SEC31A: variants seen among roughly 807,000 people sequenced by gnomAD.
The protein encoded by SEC31A is protein transport protein Sec31A.
SEC31A carries 70 observed loss-of-function variants against 151.0 expected under a neutral mutation model. The ratio of observed to expected loss-of-function variants is 0.46; its 90% CI spans 0.38 to 0.57. The LOEUF (loss-of-function observed/expected upper bound fraction) is 0.57, where lower values mean the gene tolerates loss of function less well. Ranked by LOEUF, SEC31A falls within the 20% of genes least tolerant of loss-of-function variation. SEC31A has a pLI of 0.00. For missense variants in SEC31A, 1,330 were observed against 1,471.2 expected (o/e 0.90, Z 1.57); for synonymous variants, 475 against 505.9 (o/e 0.94, Z 0.82).
rs781769260 is a variant in SEC31A, at chr4:82,851,495, T to C, written c.2264A>G (p.Asn755Ser). The part of the protein sequence containing the change: ...LLAAKMSQYA[N>S]LLAAQGSIAA... The stretch of plus-strand genomic sequence containing the variant: ...AATACTGCCCTGAGCTGCCAACAAA[T>C]TGGCATACTGACTCATCTTCGCAGC... The change falls in exon 19 of 27, where the codon AAT becomes AGT. Residue 755 changes from asparagine to serine, a missense_variant. By Grantham distance (46) the Asn-to-Ser change is conservative. Transcript: ENST00000395310. The C allele has an allele frequency of 4.3e-6, 7 of 1,614,014 alleles. No homozygotes were observed. Among genetic ancestry groups the C allele is most frequent in the Admixed American group, 1.7e-5 (1 of 60,008 alleles).
intron 1 of SEC31A, among the ~76,000 whole-genome samples, chr4:82,887,467 C>A (rs571668610): frequency 6.6e-6 from 1 of 152,194 alleles, no homozygotes; most frequent in Non-Finnish European, 1.5e-5. Context: ...ATCTCCAAGA[C>A]AGTATCTATA....
chr4:82,869,830 A>C (rs1010050776), intron 8 of SEC31A, among the ~76,000 whole-genome samples: 1 of 152,196 alleles, frequency 6.6e-6, no homozygotes, highest in Non-Finnish European at 1.5e-5. Flanking sequence ...CATAAGCACT[A>C]GCAATCATCT....
At chr4:82,882,829 T>C (rs1739689668) in intron 1 of SEC31A, among the ~76,000 whole-genome samples, 1 of 152,192 alleles carries the variant, frequency 6.6e-6, no homozygotes, top group Non-Finnish European at 1.5e-5. Flanking sequence ...TAAAGTTACT[T>C]TGATGGAGTC....
intron 25 of SEC31A, among the ~76,000 whole-genome samples, chr4:82,823,345 G>C (rs181626466): frequency 5.9e-5 from 9 of 152,210 alleles, no homozygotes; most frequent in Non-Finnish European, 1.2e-4. Context: ...ATAAGGGCTA[G>C]CATGTATCTG....
chr4:82,827,226 G>A, intron 24 of SEC31A, 143 bp downstream of exon 24: 6 of 886,556 alleles, frequency 6.8e-6, no homozygotes, highest in South Asian at 1.7e-5. Flanking sequence ...ATACATGATC[G>A]ATCTTAAAAA....
At chr4:82,870,660 T>A (rs113705901) in intron 7 of SEC31A, among the ~76,000 whole-genome samples, 3,634 of 151,966 alleles carry the variant, frequency 0.024, 150 homozygotes, top group African/African-American at 0.083. Flanking sequence ...ATTGAGCCAC[T>A]GCACTTCAGC....
chr4:82,891,738 T>C (rs533090239), upstream of SEC31A, among the ~76,000 whole-genome samples: 1 of 152,336 alleles, frequency 6.6e-6, no homozygotes, highest in Admixed American at 6.5e-5. Context: ...TTAATTCCAA[T>C]TAGTACCGTT....
At chr4:82,851,383 C>T in intron 19 of SEC31A, 48 bp downstream of exon 19, 1 of 1,474,198 alleles carries the variant, frequency 6.8e-7, no homozygotes, top group Non-Finnish European at 9.4e-7. Context: ...GTGTTATCTA[C>T]TGGACTCACC....
upstream of SEC31A, chr4:82,891,299 C>G: frequency 1.0e-6 from 1 of 972,040 alleles, no homozygotes; most frequent in Non-Finnish European, 1.5e-6. Context: ...ACGGCACTTC[C>G]GGGACCGGCG....
At position 82,857,616 on chromosome 4, in the gene SEC31A, T is replaced by G. The variant is rs535960907; in HGVS notation, c.1702+73A>C. The G allele has an allele frequency of 7.0e-6, 7 of 1,001,458 alleles. No individual in the cohort carries two copies. In the East Asian group the frequency reaches 1.7e-4, roughly 24 times the overall value. 62.0% of individuals were successfully genotyped at this position (1,001,458 alleles called of 1,614,324 possible). ...CCACAGCACCTGACTTGAAGCATTTTAACTTAAATGCAGGAACTATTTGTT... is the reference window on the plus strand; with the variant it reads ...CCACAGCACCTGACTTGAAGCATTTGAACTTAAATGCAGGAACTATTTGTT... On this transcript the variant is annotated intron_variant, in intron 15 of 26. Transcript: ENST00000395310.
chr4:82,891,006 G>T, intron 1 of SEC31A, 82 bp downstream of exon 1: 1 of 1,523,008 alleles, frequency 6.6e-7, no homozygotes. Flanking sequence ...GGAGACCCAG[G>T]CTGCGGTCCC....
intron 1 of SEC31A, chr4:82,890,706 T>C: frequency 9.5e-7 from 1 of 1,056,128 alleles, no homozygotes; most frequent in Non-Finnish European, 1.1e-6. Flanking sequence ...AAAGCCAAAG[T>C]AATCCTGAGA....
In SEC31A at chr4:82,851,451, G is replaced by A. The variant is rs1731436091; in HGVS notation, c.2308C>T (p.Leu770Phe). The A allele has an allele frequency of 6.2e-7, 1 of 1,611,190 alleles. No individual in the cohort carries two copies. Among genetic ancestry groups the A allele is most frequent in the Admixed American group, 1.7e-5 (1 of 59,220 alleles). ...ATTACCTGGTTGGTGTTGTCAGGAA[G>A]AAAAGCCAAGGCTGCAGCAATACTG... is the stretch of plus-strand genomic sequence containing the variant. Reference protein sequence around the residue: ...QGSIAAALAFLPDNTNQPNIM... With the variant: ...QGSIAAALAFFPDNTNQPNIM... Residue 770 changes from leucine to phenylalanine, a missense_variant, in exon 19 of 27, where the codon CTT becomes TTT. By Grantham distance (22) the Leu-to-Phe change is conservative. Coordinates refer to ENST00000395310, the MANE Select transcript of SEC31A (RefSeq NM_001077207.4).
chr4:82,846,366 C>CATCATAATA lies in SEC31A; in HGVS notation c.2503-1858_2503-1857insTATTATGAT, dbSNP rs1553928443. On this transcript the variant is annotated intron_variant, in intron 20 of 26. Transcript: ENST00000395310. ...GTAAATCTTTGCAGAAACTCCAAAA[C>CATCATAATA]ATAATAATAATAATAATAATAATAA... Among the ~76,000 whole-genome samples the CATCATAATA allele has an allele frequency of 8.3e-3, 1,169 of 140,528 alleles. 16 individuals are homozygous for CATCATAATA. The highest frequency in any genetic ancestry group is 0.028 in the African/African-American group (1,072 of 38,376). 92.2% of individuals were successfully genotyped at this position (140,528 alleles called of 152,430 possible).
chr4:82,857,990 T>TA (rs1479948520), intron 14 of SEC31A: 1 of 375,120 alleles, frequency 2.7e-6, no homozygotes, highest in African/African-American at 2.1e-5. Flanking sequence ...GAATACTGGT[T>TA]AAACAGGCTG....
At chr4:82,840,354 G>T (rs1426228054) in intron 22 of SEC31A, among the ~76,000 whole-genome samples, 1 of 151,906 alleles carries the variant, frequency 6.6e-6, no homozygotes, top group Admixed American at 6.6e-5. Flanking sequence ...CCCAACTACC[G>T]AGAAAGGATA....
chr4:82,879,663 C>T (rs1301407985), intron 3 of SEC31A, among the ~76,000 whole-genome samples: 2 of 152,174 alleles, frequency 1.3e-5, no homozygotes, highest in Non-Finnish European at 2.9e-5. Flanking sequence ...AGAATATGAG[C>T]GGTCCCATGA....
At chr4:82,866,494 A>T (rs1482154341) in intron 10 of SEC31A, among the ~76,000 whole-genome samples, 1 of 152,016 alleles carries the variant, frequency 6.6e-6, no homozygotes, top group East Asian at 1.9e-4. Flanking sequence ...CAAACAAAAA[A>T]ATGGAGGAGG....
At chr4:82,861,069 T>TAA (rs57273848) in intron 14 of SEC31A, among the ~76,000 whole-genome samples, 1 of 143,088 alleles carries the variant, frequency 7.0e-6, no homozygotes, top group Admixed American at 7.0e-5. Flanking sequence ...CATTAGTGGT[T>TAA]AAAAAAAAAA....
Sources: gnomAD v4.1 joint callset for allele counts (sites outside exome capture counted in the v4.1 genomes callset) on GRCh38, gnomAD v4.1.1 for gene constraint, MANE v1.5 for transcripts, NCBI Gene and HGNC (gene_info 2026-07-23, HGNC 2026-07-21) for gene names.